The following SPC24 variants were observed in gnomAD, a reference collection of about 807,000 sequenced individuals.
SPC24 encodes the protein SPC24 component of NDC80 kinetochore complex.
Under a neutral mutation model 27.6 loss-of-function variants are expected in SPC24, and 31 were observed. The observed-to-expected ratio is 1.12, with a 90% confidence interval of 0.84 to 1.52. The LOEUF (loss-of-function observed/expected upper bound fraction) is 1.52, where lower values mean the gene tolerates loss of function less well. SPC24 is among the 40% of genes most tolerant of loss of function. The pLI, the probability that SPC24 is intolerant of heterozygous loss-of-function variation, is 0.00. For missense variants in SPC24, 284 were observed against 252.5 expected (o/e 1.12, Z -0.84); for synonymous variants, 105 against 105.8 (o/e 0.99, Z 0.05).
intron 1 of SPC24, among the ~76,000 whole-genome samples, chr19:11,154,217 A>ATCC (rs1568634042): frequency 6.6e-6 from 1 of 152,112 alleles, no homozygotes; most frequent in East Asian, 1.9e-4. Flanking sequence ...ATCCTTCTAT[A>ATCC]TCATGAAATA....
At position 11,148,118 on chromosome 19, in the gene SPC24, G is replaced by A; in HGVS notation, c.306-1C>T. 1.2e-6 allele frequency: 2 copies of A among 1,611,524 alleles called. No homozygotes were observed. Among genetic ancestry groups the A allele is most frequent in the Non-Finnish European group, 1.7e-6 (2 of 1,178,064 alleles). ...CTCTTCCAGCTCTCTGGTGAGCTGA[G>A]TAGGGCAGGTCGTTAAGGACCCCGG... On this transcript the variant is annotated splice_acceptor_variant, in intron 2 of 4. Coordinates refer to ENST00000592540, the MANE Select transcript of SPC24 (RefSeq NM_182513.4). LOFTEE classifies it high-confidence loss of function.
Position 11,151,619 on chromosome 19 carries a change from TGG to T in SPC24, c.161-2383_161-2382del, listed in dbSNP as rs71164156. Among the ~76,000 whole-genome samples, 148 of 148,266 alleles carry T rather than the reference TGG, an allele frequency of 1.0e-3. 1 individual carries two copies. The highest frequency in any genetic ancestry group is 1.0e-3 in the East Asian group (5 of 4,900). ...CACAGCTGAGGGGATACTTTTTTTT[TGG>T]GGGGGGGGGATGGAGTCTTGCCCTG... On this transcript the variant is annotated intron_variant, in intron 1 of 4. Transcript: ENST00000592540.
At chr19:11,149,286 G>A in intron 1 of SPC24, 48 bp from the exon 2 acceptor site, 1 of 1,411,366 alleles carries the variant, frequency 7.1e-7, no homozygotes, top group Non-Finnish European at 9.3e-7. Context: ...CCTTCCCCAA[G>A]GAGAGCAGAG....
intron 2 of SPC24, among the ~76,000 whole-genome samples, chr19:11,148,816 CTG>C (rs1399292681): frequency 6.6e-6 from 1 of 151,838 alleles, no homozygotes; most frequent in African/African-American, 2.4e-5. Flanking sequence ...CGGGGTTTCA[CTG>C]TGTTAGCCAG....
chr19:11,149,276 C>A, intron 1 of SPC24, 38 bp from the exon 2 acceptor site: 1 of 1,448,648 alleles, frequency 6.9e-7, no homozygotes. Flanking sequence ...TAGGGTCTGT[C>A]CTTCCCCAAG....
chr19:11,149,070 T>C, intron 2 of SPC24, 24 bp downstream of exon 2: 1 of 1,478,020 alleles, frequency 6.8e-7, no homozygotes, highest in Non-Finnish European at 9.0e-7. Flanking sequence ...CTAGCAAGGC[T>C]GATCCCCTAG....
In SPC24 at chr19:11,147,080, C is replaced by CA. The variant is rs71164155; in HGVS notation, c.*102dup. 170,462 of 396,194 alleles carry CA rather than the reference C, an allele frequency of 0.43. 25,001 individuals carry two copies. The highest frequency in any genetic ancestry group is 0.51 in the Admixed American group (11,852 of 23,360). 24.5% of individuals were successfully genotyped at this position (396,194 alleles called of 1,614,324 possible). A position where few individuals can be genotyped will look rare whatever the true frequency, so the allele number is the denominator to read the frequency against. ...GGACAACAAGAGTGAAACTCTGTCT[C>CA]AAAAAAAAAAAAAAAAAGATCTATG... On this transcript the variant is annotated 3_prime_UTR_variant, in exon 5 of 5. Transcript: ENST00000592540.
At position 11,149,618 on chromosome 19, in the gene SPC24, C is replaced by T. The variant is rs143869890; in HGVS notation, c.161-380G>A. Reference sequence around the variant, plus strand: ...AAATTAGGCTGGGCATGGTGGTTCACACCTGTAATCCCAGAACTTTCGGAG... The same window carrying T: ...AAATTAGGCTGGGCATGGTGGTTCATACCTGTAATCCCAGAACTTTCGGAG... On this transcript the variant is annotated intron_variant, in intron 1 of 4. Transcript: ENST00000592540. Among the ~76,000 whole-genome samples, 347 of 152,028 alleles carry T rather than the reference C, an allele frequency of 2.3e-3. 2 individuals carry two copies. Among genetic ancestry groups the T allele is most frequent in the African/African-American group, 7.9e-3 (327 of 41,470 alleles).
At chr19:11,151,623 G>C (rs954736999) in intron 1 of SPC24, among the ~76,000 whole-genome samples, 2,887 of 151,640 alleles carry the variant, frequency 0.019, 96 homozygotes, top group African/African-American at 0.065. Flanking sequence ...TTTTTTTGGG[G>C]GGGGGGGATG....
intron 1 of SPC24, among the ~76,000 whole-genome samples, chr19:11,153,083 C>T (rs1350887977): frequency 6.6e-6 from 1 of 152,158 alleles, no homozygotes; most frequent in Admixed American, 6.6e-5. Context: ...AACCGTATGG[C>T]GGTTCCTCAG....
At chr19:11,149,025 G>C in intron 2 of SPC24, 69 bp downstream of exon 2, 1 of 1,390,802 alleles carries the variant, frequency 7.2e-7, no homozygotes, top group African/African-American at 1.5e-5. Flanking sequence ...GGGATTACAG[G>C]CTTGAGCCAC....
At chr19:11,152,236 G>C (rs994910411) in intron 1 of SPC24, among the ~76,000 whole-genome samples, 2 of 151,256 alleles carry the variant, frequency 1.3e-5, no homozygotes, top group African/African-American at 2.4e-5. Context: ...TTTTGAGACA[G>C]TCTTGCTTTG....
chr19:11,146,778 A>G lies in SPC24; in HGVS notation c.*405T>C, dbSNP rs1167364948. ...GTGAGACTCCGTCTCAAAAAAAAAAAAAAAAGGAAGACGTCTAGCTGGGCA... is the reference window on the plus strand; with the variant it reads ...GTGAGACTCCGTCTCAAAAAAAAAAGAAAAAGGAAGACGTCTAGCTGGGCA... On this transcript the variant is annotated 3_prime_UTR_variant, in exon 5 of 5. Transcript: ENST00000592540. 6.6e-6 allele frequency: 1 copy of G among 152,018 alleles called. No homozygotes were observed. Among genetic ancestry groups the G allele is most frequent in the Non-Finnish European group, 1.5e-5 (1 of 68,856 alleles). 9.4% of individuals were successfully genotyped at this position (152,018 alleles called of 1,614,324 possible). A position where few individuals can be genotyped will look rare whatever the true frequency, so the allele number is the denominator to read the frequency against.
chr19:11,149,847 A>T (rs577556901), intron 1 of SPC24, among the ~76,000 whole-genome samples: 1 of 150,408 alleles, frequency 6.6e-6, no homozygotes, highest in East Asian at 2.0e-4. Flanking sequence ...AGTCACTGGG[A>T]TTACATGCGC....
In SPC24 at chr19:11,155,711, G is replaced by A. The variant is rs899656625; in HGVS notation, c.66C>T (p.Arg22=). The change falls in exon 1 of 5, where the codon CGC becomes CGT. Residue 22 remains arginine (R), a synonymous_variant. Transcript: ENST00000592540. The part of the protein sequence containing the change: ...QGLLSLLGAN[R]AEAQQRRLLG... Reference sequence around the variant, plus strand: ...GCAGCCGTCGCTGCTGCGCCTCCGCGCGGTTGGCGCCCAGCAGGCTGAGCA... The same window carrying A: ...GCAGCCGTCGCTGCTGCGCCTCCGCACGGTTGGCGCCCAGCAGGCTGAGCA... The A allele has an allele frequency of 1.3e-6, 2 of 1,573,568 alleles. No homozygotes were observed. The highest frequency in any genetic ancestry group is 1.8e-5 in the Admixed American group (1 of 56,576).
intron 1 of SPC24, among the ~76,000 whole-genome samples, chr19:11,151,906 C>G (rs996065475): frequency 2.2e-5 from 3 of 139,438 alleles, no homozygotes; most frequent in African/African-American, 7.4e-5. Context: ...CCGCACCAGG[C>G]CTTTTTTTTT....
chr19:11,154,570 GAT>G (rs981873965), intron 1 of SPC24, among the ~76,000 whole-genome samples: 32 of 152,196 alleles, frequency 2.1e-4, no homozygotes, highest in African/African-American at 7.2e-4. Flanking sequence ...AGGAAATTCT[GAT>G]ACAGGCTATG....
chr19:11,152,543 T>C (rs1568633120), intron 1 of SPC24, among the ~76,000 whole-genome samples: 1 of 152,090 alleles, frequency 6.6e-6, no homozygotes, highest in Non-Finnish European at 1.5e-5. Context: ...GCCCCACATC[T>C]GTGACATGAA....
chr19:11,148,318 G>A (rs559400138), intron 2 of SPC24, among the ~76,000 whole-genome samples: 39 of 151,406 alleles, frequency 2.6e-4, no homozygotes, highest in Non-Finnish European at 4.4e-4. Flanking sequence ...AGTGATTCTG[G>A]AGCCCCTGCC....
Sources: gnomAD v4.1 joint callset for allele counts (sites outside exome capture counted in the v4.1 genomes callset) on GRCh38, gnomAD v4.1.1 for gene constraint, MANE v1.5 for transcripts, NCBI Gene and HGNC (gene_info 2026-07-23, HGNC 2026-07-21) for gene names.